Variants in SCLT1 observed in about 807,000 individuals in gnomAD.
SCLT1 encodes sodium channel and clathrin linker 1.
Under a neutral mutation model 112.8 loss-of-function variants are expected in SCLT1, and 78 were observed. The ratio of observed to expected loss-of-function variants is 0.69; its 90% confidence interval spans 0.58 to 0.83. The LOEUF is 0.83. Ranked by LOEUF, SCLT1 falls within the 40% of genes least tolerant of loss-of-function variation. The probability of loss-of-function intolerance (pLI) is 0.00; values close to 1 mark genes in which losing one functional copy is unlikely to be tolerated. For synonymous variants in SCLT1, 257 were observed against 254.7 expected (o/e 1.01, Z -0.09); for missense variants, 747 against 770.4 (o/e 0.97, Z 0.36).
intron 18 of SCLT1, among the ~76,000 whole-genome samples, chr4:128,928,844 A>G (rs1204868898): frequency 6.6e-6 from 1 of 152,172 alleles, no homozygotes; most frequent in South Asian, 2.1e-4. Flanking sequence ...CAAAAAAAAA[A>G]AAAATTAATA....
chr4:128,885,075 C>CATATGTAAACATATGTAAACATATGT (rs1732789821), intron 20 of SCLT1, among the ~76,000 whole-genome samples: 3 of 152,240 alleles, frequency 2.0e-5, no homozygotes, highest in African/African-American at 2.4e-5. Flanking sequence ...AAACATATTC[C>CATATGTAAACATATGTAAACATATGT]AGATGGATGA....
At chr4:128,990,174 T>C (rs1026815296) in intron 9 of SCLT1, among the ~76,000 whole-genome samples, 1 of 151,968 alleles carries the variant, frequency 6.6e-6, no homozygotes, top group African/African-American at 2.4e-5. Context: ...CCAACATCTC[T>C]GATGAACACA....
chr4:128,930,901 C>A (rs527333965), intron 18 of SCLT1, among the ~76,000 whole-genome samples: 1 of 152,122 alleles, frequency 6.6e-6, no homozygotes, highest in East Asian at 1.9e-4. Context: ...GAATGAATAT[C>A]TTTAAAAAAA....
intron 5 of SCLT1, among the ~76,000 whole-genome samples, chr4:129,021,804 C>G (rs564902950): frequency 2.0e-5 from 3 of 152,346 alleles, no homozygotes; most frequent in South Asian, 4.1e-4. Flanking sequence ...TCTCCCAGCA[C>G]AGCGCACCAG....
At chr4:129,023,712 G>C (rs866534534) in intron 5 of SCLT1, among the ~76,000 whole-genome samples, 11 of 152,338 alleles carry the variant, frequency 7.2e-5, no homozygotes, top group Non-Finnish European at 8.8e-5. Context: ...AGTGCACTGT[G>C]TGCGAGCTGA....
intron 19 of SCLT1, among the ~76,000 whole-genome samples, chr4:128,890,007 A>G (rs1004320541): frequency 6.6e-6 from 1 of 152,234 alleles, no homozygotes; most frequent in African/African-American, 2.4e-5. Flanking sequence ...AGCAAAATTA[A>G]ATGTTATGAA....
At chr4:128,992,100 A>G in intron 9 of SCLT1, 67 bp downstream of exon 9, 1 of 1,004,366 alleles carries the variant, frequency 1.0e-6, no homozygotes, top group Non-Finnish European at 1.5e-6. Context: ...GGAAAATTAT[A>G]GCATCATCAG....
At chr4:129,021,465 C>A (rs1306916874) in intron 5 of SCLT1, among the ~76,000 whole-genome samples, 1 of 152,194 alleles carries the variant, frequency 6.6e-6, no homozygotes, top group Admixed American at 6.5e-5. Context: ...GCAAGCACAG[C>A]AGTCTGAAGT....
At chr4:129,048,887 C>G (rs1166007796) in intron 2 of SCLT1, among the ~76,000 whole-genome samples, 1 of 152,054 alleles carries the variant, frequency 6.6e-6, no homozygotes, top group Non-Finnish European at 1.5e-5. Context: ...AAATGCTCAT[C>G]ATCACTGGCC....
intron 4 of SCLT1, among the ~76,000 whole-genome samples, chr4:128,875,867 G>C (rs1297472025): frequency 2.0e-5 from 3 of 152,102 alleles, no homozygotes; most frequent in Non-Finnish European, 4.4e-5. Context: ...TCAAAGAGCA[G>C]TTTCATTAAA....
chr4:128,938,361 T>C (rs756931561), intron 17 of SCLT1, among the ~76,000 whole-genome samples: 9 of 152,136 alleles, frequency 5.9e-5, no homozygotes, highest in Admixed American at 1.3e-4. Context: ...AAATGCAAAA[T>C]GCTTCCTAAA....
At position 128,967,074 on chromosome 4, in the gene SCLT1, G is replaced by C. The variant is rs116351452; in HGVS notation, c.778-1756C>G. On this transcript the variant is annotated intron_variant, in intron 10 of 20. Transcript: ENST00000281142. ...CCTTTAGCGTCCATTTGTACTCAAT[G>C]ATTAGCTCCCACTTGTAAGTGAGGA... Among the ~76,000 whole-genome samples the C allele has an allele frequency of 7.2e-3, 1,093 of 152,182 alleles. 15 individuals are homozygous for C. The highest frequency in any genetic ancestry group is 0.025 in the African/African-American group (1,035 of 41,516).
chr4:128,945,025 C>T (rs148407540), intron 16 of SCLT1: 2 of 152,258 alleles, frequency 1.3e-5, no homozygotes, highest in South Asian at 2.1e-4. Context: ...ACCCAGTCCT[C>T]GCACCTTATT....
chr4:128,976,885 T>C (rs1041111361), intron 9 of SCLT1, among the ~76,000 whole-genome samples: 4 of 152,254 alleles, frequency 2.6e-5, no homozygotes, highest in Middle Eastern at 6.8e-3. Context: ...AATAAGACTG[T>C]AAAGGCCATG....
At chr4:128,909,282 G>A (rs1017145546) in intron 18 of SCLT1, among the ~76,000 whole-genome samples, 4 of 151,884 alleles carry the variant, frequency 2.6e-5, no homozygotes, top group Admixed American at 2.6e-4. Flanking sequence ...ACAAGGTCTC[G>A]CTCTGTCACT....
chr4:128,960,926 C>CAAA (rs34599122), intron 11 of SCLT1, among the ~76,000 whole-genome samples: 3,241 of 51,834 alleles, frequency 0.063, 307 homozygotes, highest in Admixed American at 0.082. Context: ...GACTCCGTCT[C>CAAA]AAAAAAAAAA....
chr4:128,998,159 T>C (rs949787266), intron 7 of SCLT1, among the ~76,000 whole-genome samples: 1 of 151,866 alleles, frequency 6.6e-6, no homozygotes, highest in Non-Finnish European at 1.5e-5. Context: ...ATGTGGCTGT[T>C]TATTTTATGT....
intron 18 of SCLT1, among the ~76,000 whole-genome samples, chr4:128,924,703 T>G (rs938838317): frequency 6.6e-6 from 1 of 152,168 alleles, no homozygotes; most frequent in African/African-American, 2.4e-5. Flanking sequence ...TATGCTTAGG[T>G]CTATGATTCA....
In SCLT1 at chr4:129,029,692, C is replaced by CA. The variant is rs887413329; in HGVS notation, c.290+9348dup. ...TAAAAGTATAATAATAATAAACAAA[C>CA]AAAAAAAACCCCAAAAAGACAAAGA... On this transcript the variant is annotated intron_variant, in intron 5 of 20. Transcript: ENST00000281142. Among the ~76,000 whole-genome samples the CA allele has an allele frequency of 6.6e-5, 10 of 151,196 alleles. No homozygotes were observed. The East Asian group carries it at 1.2e-3, about 18-fold the overall frequency.
Sources: gnomAD v4.1 joint callset for allele counts (sites outside exome capture counted in the v4.1 genomes callset) on GRCh38, gnomAD v4.1.1 for gene constraint, MANE v1.5 for transcripts, NCBI Gene and HGNC (gene_info 2026-07-23, HGNC 2026-07-21) for gene names.